CACNA1A: variants seen among roughly 807,000 people sequenced by gnomAD.
CACNA1A encodes voltage-dependent P/Q-type calcium channel subunit alpha-1A.
CACNA1A carries 57 observed loss-of-function variants against 262.4 expected under a neutral mutation model. That is an observed-to-expected ratio of 0.22 (90% CI 0.18 to 0.27). The LOEUF (loss-of-function observed/expected upper bound fraction) is 0.27. Ranked by LOEUF, CACNA1A falls within the 10% of genes least tolerant of loss-of-function variation. The probability of loss-of-function intolerance (pLI) is 1.00; values close to 1 mark genes in which losing one functional copy is unlikely to be tolerated. For missense variants in CACNA1A, 2,526 were observed against 3,562.8 expected, an observed-to-expected ratio of 0.71 and a Z score of 7.41; for synonymous variants, 1,431 against 1,419.3, an observed-to-expected ratio of 1.01 and a Z score of -0.18.
intron 3 of CACNA1A, among the ~76,000 whole-genome samples, chr19:13,433,933 A>G (rs147000614): frequency 1.8e-4 from 27 of 152,284 alleles, no homozygotes; most frequent in Middle Eastern, 3.4e-3. Context: ...CCATGTATTG[A>G]GTGTGGCAGT....
rs375859889 is a variant in CACNA1A, at chr19:13,209,365, C to T, written c.6473G>A (p.Arg2158His). The T allele has an allele frequency of 3.4e-5, 47 of 1,385,342 alleles. No homozygotes were observed. The highest frequency in any genetic ancestry group is 3.4e-4 in the East Asian group (12 of 35,538). The allele number at this position is 1,385,342 out of a possible 1,614,324, so 85.8% of individuals were successfully genotyped here. The change falls in exon 45 of 47, where the codon CGC becomes CAC. Residue 2158 changes from arginine (R) to histidine (H), a missense_variant. By Grantham distance (29) the Arg-to-His change is conservative. Coordinates refer to ENST00000360228, the MANE Select transcript of CACNA1A (RefSeq NM_001127222.2). ...NQRHHQRRRD[R>H]SHRASERSLG... ...GGAGCGCTCAGAGGCGCGGTGGCTG[C>T]GGTCGCGGCGCCGCTGGTGGTGCCG...
rs561805862 is a variant in CACNA1A, at chr19:13,352,213, C to T, written c.978+7393G>A. Reference sequence around the variant, plus strand: ...TTGAACTTACGAGTTCGAGACCAGCCTGGCCAACATGATGAAACCCCATTT... The same window carrying T: ...TTGAACTTACGAGTTCGAGACCAGCTTGGCCAACATGATGAAACCCCATTT... On this transcript the variant is annotated intron_variant, in intron 6 of 46. Transcript: ENST00000360228. Among the ~76,000 whole-genome samples the T allele has an allele frequency of 9.9e-5, 15 of 152,204 alleles. No individual in the cohort carries two copies. The South Asian group carries it at 2.9e-3, about 29-fold the overall frequency.
At position 13,261,504 on chromosome 19, in the gene CACNA1A, T is replaced by C; in HGVS notation, c.4196A>G (p.Lys1399Arg). 3 of 1,592,410 alleles carry C rather than the reference T, an allele frequency of 1.9e-6. No individual in the cohort carries two copies. The highest frequency in any genetic ancestry group is 2.6e-6 in the Non-Finnish European group (3 of 1,169,500). Residue 1399 changes from lysine (K) to arginine (R), a missense_variant, in exon 26 of 47, where the codon AAG (lysine) becomes AGG (arginine). By Grantham distance (26) the Lys-to-Arg change is conservative. This residue lies in a region of CACNA1A where 137 missense variants were observed against 377.7 expected (regional missense o/e 0.36). Coordinates refer to ENST00000360228, the MANE Select transcript of CACNA1A (RefSeq NM_001127222.2). ...GTCAGTGCAGTGGAAGAATTTCCCCTTGAAGAGCTGCACAGCCACCACGGC... is the reference window on the plus strand; with the variant it reads ...GTCAGTGCAGTGGAAGAATTTCCCCCTGAAGAGCTGCACAGCCACCACGGC... ...IFAVVAVQLFKGKFFHCTDES... is the reference protein window; with the variant it reads ...IFAVVAVQLFRGKFFHCTDES...
At position 13,209,558 on chromosome 19, in the gene CACNA1A, C is replaced by T. The variant is rs2054725608; in HGVS notation, c.6340-60G>A. On this transcript the variant is annotated intron_variant, in intron 44 of 46. Coordinates refer to ENST00000360228, the MANE Select transcript of CACNA1A (RefSeq NM_001127222.2). ...GCAGCTAGCACCAAGTGGTCCCGGT[C>T]CTTCCTGCCCCATTGTGGCAGCCTG... 3 of 1,207,082 alleles carry T rather than the reference C, an allele frequency of 2.5e-6. No homozygotes were observed. In the South Asian group the frequency reaches 1.1e-4, roughly 45 times the overall value. The allele number at this position is 1,207,082 out of a possible 1,614,324, so 74.8% of individuals were successfully genotyped here. A position where few individuals can be genotyped will look rare whatever the true frequency, so the allele number is the denominator to read the frequency against.
Position 13,208,806 on chromosome 19 carries a change from G to A in CACNA1A, c.6730C>T (p.Arg2244Cys), listed in dbSNP as rs1021438528. 4 of 1,549,942 alleles carry A rather than the reference G, an allele frequency of 2.6e-6. No homozygotes were observed. Among genetic ancestry groups the A allele is most frequent in the South Asian group, 1.2e-5 (1 of 85,654 alleles). The change falls in exon 46 of 47, where the codon CGC becomes TGC. Residue 2244 changes from arginine to cysteine, a missense_variant. Physicochemically the swap from Arg to Cys is radical, Grantham distance 180. This residue lies in a region of CACNA1A where 929 missense variants were observed against 868.1 expected (regional missense o/e 1.07). Coordinates refer to ENST00000360228, the MANE Select transcript of CACNA1A (RefSeq NM_001127222.2). ...CCCTCGCTGGGCGAGCGGGACCAGC[G>A]CTGGTCCCGAGCCCGTGCCCGGCCG... ...DHGRARARDQ[R>C]WSRSPSEGRE...
At chr19:13,327,394 C>A (rs988098227) in intron 10 of CACNA1A, among the ~76,000 whole-genome samples, 2 of 151,044 alleles carry the variant, frequency 1.3e-5, no homozygotes, top group African/African-American at 4.9e-5. Flanking sequence ...AGCCACTGGC[C>A]TGGGTTTTGG....
chr19:13,295,023 C>T (rs2057632502), intron 19 of CACNA1A, among the ~76,000 whole-genome samples: 1 of 152,220 alleles, frequency 6.6e-6, no homozygotes, highest in Admixed American at 6.5e-5. Context: ...CTGAAACACT[C>T]TACTCCCTTC....
rs111818622 is a variant in CACNA1A, at chr19:13,268,392, C to T, written c.3990-5559G>A. Reference sequence around the variant, plus strand: ...GGCGGAAACCCTGTCGCCAAGCGGACTCTATGGAATTTTCCATCCACGACC... The same window carrying T: ...GGCGGAAACCCTGTCGCCAAGCGGATTCTATGGAATTTTCCATCCACGACC... On this transcript the variant is annotated intron_variant, in intron 24 of 46. Coordinates refer to ENST00000360228, the MANE Select transcript of CACNA1A (RefSeq NM_001127222.2). Among the ~76,000 whole-genome samples, 963 of 151,524 alleles carry T rather than the reference C, an allele frequency of 6.4e-3. 9 individuals carry two copies. The highest frequency in any genetic ancestry group is 0.021 in the African/African-American group (881 of 41,280).
In CACNA1A at chr19:13,231,875, A is replaced by T; in HGVS notation, c.5250-15T>A. On this transcript the variant is annotated splice_polypyrimidine_tract_variant and intron_variant, in intron 34 of 46. Transcript: ENST00000360228. ...CGGTGGCACTCCTGAGGACAGGGAG[A>T]AATCAGAGACTCGGACACCCAGCCC... 1 of 1,607,404 alleles carries T rather than the reference A, an allele frequency of 6.2e-7. No homozygotes were observed. Among genetic ancestry groups the T allele is most frequent in the Non-Finnish European group, 8.5e-7 (1 of 1,175,084 alleles).
In CACNA1A at chr19:13,232,413, A is replaced by C. The variant is rs151277829; in HGVS notation, c.5250-553T>G. On this transcript the variant is annotated intron_variant, in intron 34 of 46. Coordinates refer to ENST00000360228, the MANE Select transcript of CACNA1A (RefSeq NM_001127222.2). The stretch of plus-strand genomic sequence containing the variant: ...GAGATGGGGTTTCACTGCATTGCTC[A>C]GGCTGGTCACTGTTATGCTTTAAAA... 2.3e-3 allele frequency among the ~76,000 whole-genome samples: 350 copies of C among 152,004 alleles called. 1 individual carries two copies. Among genetic ancestry groups the C allele is most frequent in the African/African-American group, 8.1e-3 (334 of 41,448 alleles).
chr19:13,228,828 A>G, intron 36 of CACNA1A: 1 of 1,327,530 alleles, frequency 7.5e-7, no homozygotes, highest in East Asian at 2.6e-5. Flanking sequence ...TAGTGCAGGC[A>G]ATGGGTTCAC....
intron 7 of CACNA1A, 147 bp from the exon 8 acceptor site, chr19:13,334,640 G>A (rs2058530923): frequency 1.7e-6 from 1 of 602,866 alleles, no homozygotes; most frequent in Admixed American, 2.7e-5. Context: ...TGGAGGTCAG[G>A]AGTTTTCAAC....
At chr19:13,346,224 C>A (rs1337280512) in intron 6 of CACNA1A, among the ~76,000 whole-genome samples, 1 of 150,842 alleles carries the variant, frequency 6.6e-6, no homozygotes, top group Admixed American at 6.6e-5. Flanking sequence ...ATTTTATCAT[C>A]TTCCTTCATC....
At chr19:13,487,704 A>C (rs1392150604) in intron 1 of CACNA1A, among the ~76,000 whole-genome samples, 1 of 151,708 alleles carries the variant, frequency 6.6e-6, no homozygotes, top group African/African-American at 2.4e-5. Flanking sequence ...ACCCAAACCC[A>C]TTAACCATTA....
chr19:13,491,722 A>G (rs559357011), intron 1 of CACNA1A, among the ~76,000 whole-genome samples: 72 of 152,244 alleles, frequency 4.7e-4, no homozygotes, highest in African/African-American at 1.5e-3. Flanking sequence ...GATAGTCCCA[A>G]CTACTCAGGA....
At chr19:13,238,545 T>C (rs760085847) in intron 31 of CACNA1A, among the ~76,000 whole-genome samples, 3 of 150,396 alleles carry the variant, frequency 2.0e-5, no homozygotes, top group Non-Finnish European at 4.4e-5. Flanking sequence ...ACCTATTCTC[T>C]TCCCCCAACC....
rs1555743957 is a variant in CACNA1A, at chr19:13,257,542, C to T, written c.4398G>A (p.Lys1466=). The T allele has an allele frequency of 6.3e-7, 1 of 1,575,112 alleles. No homozygotes were observed. Among genetic ancestry groups the T allele is most frequent in the Non-Finnish European group, 8.6e-7 (1 of 1,159,428 alleles). ...TCTCAAAGGTGGCGTCCACCGAATG[C>T]TTGAGGACCCTGCAAGGAATGGGGC... ...STGEGWPQVL[K]HSVDATFENQ... is the part of the protein sequence containing the mutation. Residue 1466 remains lysine (K), a synonymous_variant, in exon 28 of 47, where the codon AAG becomes AAA. Transcript: ENST00000360228.
chr19:13,219,451 G>A (rs2055140004), intron 38 of CACNA1A, among the ~76,000 whole-genome samples: 1 of 152,142 alleles, frequency 6.6e-6, no homozygotes, highest in African/African-American at 2.4e-5. Flanking sequence ...GTGGTTTTGG[G>A]ACCCCTGAAC....
intron 1 of CACNA1A, among the ~76,000 whole-genome samples, chr19:13,491,547 C>T (rs1980883285): frequency 6.6e-6 from 1 of 152,050 alleles, no homozygotes; most frequent in South Asian, 2.1e-4. Context: ...GGTCTGTTTG[C>T]TTTTCATCAG....
Sources: gnomAD v4.1 joint callset for allele counts (sites outside exome capture counted in the v4.1 genomes callset) on GRCh38, gnomAD v4.1.1 for gene constraint, gnomAD v4.1.1 regional missense constraint, MANE v1.5 for transcripts, NCBI Gene and HGNC (gene_info 2026-07-23, HGNC 2026-07-21) for gene names.